Variants in EDA observed in about 807,000 individuals in gnomAD.
The protein encoded by EDA is ectodysplasin A.
A neutral mutation model predicts 23.6 loss-of-function variants in EDA; 2 were observed. The ratio of observed to expected loss-of-function variants is 0.08; its 90% CI spans 0.03 to 0.27. The LOEUF is 0.27. Among genes scored for constraint, EDA ranks in the 10% least tolerant of loss-of-function variants. The probability of loss-of-function intolerance (pLI) is 1.00; values close to 1 mark genes in which losing one functional copy is unlikely to be tolerated. For synonymous variants in EDA, 131 were observed against 132.0 expected (o/e 0.99, Z 0.05); for missense variants, 229 against 324.2 (o/e 0.71, Z 2.26).
chrX:69,854,474 A>C (rs766836057), intron 1 of EDA, among the ~76,000 whole-genome samples: 6 of 111,830 alleles, frequency 5.4e-5, no homozygotes, highest in African/African-American at 1.9e-4. Flanking sequence ...GATTACAGGC[A>C]TGAGTCTCAG....
intron 1 of EDA, among the ~76,000 whole-genome samples, chrX:69,914,674 A>G (rs1327498971): frequency 9.0e-6 from 1 of 111,376 alleles, no homozygotes; most frequent in Non-Finnish European, 1.9e-5. Flanking sequence ...AATTATTATT[A>G]ACTATAGACA....
intron 2 of EDA, among the ~76,000 whole-genome samples, chrX:69,973,529 C>G (rs879063190): frequency 9.0e-6 from 1 of 111,609 alleles, no homozygotes; most frequent in Admixed American, 9.6e-5. Context: ...CCCATTGCTC[C>G]TCCTACTGGT....
intron 1 of EDA, among the ~76,000 whole-genome samples, chrX:69,839,920 T>C (rs998562665): frequency 3.6e-5 from 4 of 112,537 alleles, no homozygotes; most frequent in African/African-American, 9.7e-5. Context: ...ACAAGTGTTA[T>C]GAAAAAAGAA....
Position 70,009,146 on chromosome X carries a change from T to C in EDA, c.503-14072T>C, listed in dbSNP as rs1349760838. 2.7e-5 allele frequency among the ~76,000 whole-genome samples: 3 copies of C among 111,918 alleles called. No homozygotes were observed. In the East Asian group the frequency reaches 8.4e-4, roughly 31 times the overall value. ...ATGGCAGCCCCTCTGTCATTTCTGA[T>C]ATTAGTAAAATTTGTGTCTTCTCAC... On this transcript the variant is annotated intron_variant, in intron 2 of 7. Transcript: ENST00000374552.
chrX:69,714,933 G>T (rs1398115607), intron 1 of EDA, among the ~76,000 whole-genome samples: 1 of 110,196 alleles, frequency 9.1e-6, no homozygotes, highest in Admixed American at 9.7e-5. Flanking sequence ...ATCCTTGTTA[G>T]GATTTTTATA....
intron 1 of EDA, among the ~76,000 whole-genome samples, chrX:69,778,117 G>A (rs1368278807): frequency 8.1e-5 from 9 of 111,379 alleles, no homozygotes; most frequent in Non-Finnish European, 1.7e-4. Context: ...CAAACCTTCT[G>A]TATAATCTTT....
intron 1 of EDA, among the ~76,000 whole-genome samples, chrX:69,702,682 G>A (rs757931451): frequency 9.0e-6 from 1 of 110,770 alleles, no homozygotes; most frequent in Non-Finnish European, 1.9e-5. Flanking sequence ...CGATCAGGGC[G>A]GCGAGAATGG....
chrX:70,006,871 A>G (rs777637022), intron 2 of EDA, among the ~76,000 whole-genome samples: 1 of 110,520 alleles, frequency 9.0e-6, no homozygotes, highest in South Asian at 3.8e-4. Context: ...GATTTCTCCT[A>G]TGTTATCTTA....
intron 1 of EDA, among the ~76,000 whole-genome samples, chrX:69,682,849 C>G (rs1023791570): frequency 9.0e-6 from 1 of 111,680 alleles, no homozygotes; most frequent in African/African-American, 3.3e-5. Context: ...CTCCTCCCCC[C>G]TGCTGTTCTC....
intron 1 of EDA, among the ~76,000 whole-genome samples, chrX:69,696,701 T>TA (rs753186260): frequency 6.2e-4 from 69 of 112,052 alleles, no homozygotes; most frequent in Non-Finnish European, 1.1e-3. Flanking sequence ...TAAAACAACT[T>TA]AAAACCCTCT....
chrX:69,827,684 C>G (rs1039846187), intron 1 of EDA, among the ~76,000 whole-genome samples: 64 of 112,005 alleles, frequency 5.7e-4, no homozygotes, highest in Non-Finnish European at 1.0e-3. Flanking sequence ...TCGTCTGAAG[C>G]CTTCTTCTCT....
chrX:69,691,107 A>AC (rs978739353), intron 1 of EDA, among the ~76,000 whole-genome samples: 9 of 111,889 alleles, frequency 8.0e-5, no homozygotes, highest in Non-Finnish European at 1.5e-4. Flanking sequence ...TAGCAAATTA[A>AC]TCATTTGAAG....
At position 70,036,910 on chromosome X, in the gene EDA, C is replaced by T. The variant is rs759881044; in HGVS notation, c.*1301C>T. On this transcript the variant is annotated 3_prime_UTR_variant, in exon 8 of 8. Coordinates refer to ENST00000374552, the MANE Select transcript of EDA (RefSeq NM_001399.5). ...AAAAGCCACAGCAGAGCATTGTCAC[C>T]GCAGGTGCTCATGCTGCTCCCCTAA... The T allele has an allele frequency of 8.8e-6, 1 of 113,096 alleles. No individual in the cohort carries two copies. The highest frequency in any genetic ancestry group is 2.8e-4 in the East Asian group (1 of 3,573). 9.3% of individuals were successfully genotyped at this position (113,096 alleles called of 1,213,427 possible). A position where few individuals can be genotyped will look rare whatever the true frequency, so the allele number is the denominator to read the frequency against.
At chrX:69,632,875 T>A (rs760968879) in intron 1 of EDA, among the ~76,000 whole-genome samples, 1 of 112,044 alleles carries the variant, frequency 8.9e-6, no homozygotes, top group African/African-American at 3.2e-5. Context: ...CTTAGTCATT[T>A]TCTTCCTATC....
chrX:69,849,275 T>C (rs1430926811), intron 1 of EDA, among the ~76,000 whole-genome samples: 1 of 111,544 alleles, frequency 9.0e-6, no homozygotes, highest in Non-Finnish European at 1.9e-5. Context: ...TGATTTGAGA[T>C]ATTTTCTACT....
chrX:69,765,682 C>T (rs776274471), intron 1 of EDA, among the ~76,000 whole-genome samples: 3 of 111,826 alleles, frequency 2.7e-5, no homozygotes, highest in Non-Finnish European at 3.8e-5. Context: ...ACCCTTCATT[C>T]AGTTTTCCCC....
At chrX:69,677,585 G>A (rs904465801) in intron 1 of EDA, among the ~76,000 whole-genome samples, 1 of 112,851 alleles carries the variant, frequency 8.9e-6, no homozygotes, top group Non-Finnish European at 1.9e-5. Flanking sequence ...GCCAGTGATG[G>A]TGAGCATTTT....
intron 1 of EDA, among the ~76,000 whole-genome samples, chrX:69,834,699 T>G (rs1004681372): frequency 1.8e-5 from 2 of 111,517 alleles, no homozygotes; most frequent in Non-Finnish European, 3.8e-5. Flanking sequence ...AACTGGGGCA[T>G]TTAGCCCATG....
intron 1 of EDA, among the ~76,000 whole-genome samples, chrX:69,880,701 AGCATG>A (rs2017732039): frequency 8.9e-6 from 1 of 112,355 alleles, no homozygotes; most frequent in Non-Finnish European, 1.9e-5. Flanking sequence ...TAGCTATATT[AGCATG>A]GATCATAGTT....
Sources: gnomAD v4.1 joint callset for allele counts (sites outside exome capture counted in the v4.1 genomes callset) on GRCh38, gnomAD v4.1.1 for gene constraint, MANE v1.5 for transcripts, NCBI Gene and HGNC (gene_info 2026-07-23, HGNC 2026-07-21) for gene names.